The following PSD3 variants were observed in gnomAD, a reference collection of about 807,000 sequenced individuals.
The protein encoded by PSD3 is PH and SEC7 domain-containing protein 3.
Under a neutral mutation model 105.5 loss-of-function variants are expected in PSD3, and 49 were observed. The observed-to-expected ratio is 0.46, with a 90% CI of 0.37 to 0.59. PSD3 has a LOEUF of 0.59. Ranked by LOEUF, PSD3 falls within the 20% of genes least tolerant of loss-of-function variation. The pLI is 0.00. For synonymous variants in PSD3, 557 were observed against 457.8 expected (o/e 1.22, Z -2.77); for missense variants, 1,561 against 1,263.8 (o/e 1.24, Z -3.57).
chr8:18,680,187 G>A (rs1444040130), intron 9 of PSD3, among the ~76,000 whole-genome samples: 2 of 152,188 alleles, frequency 1.3e-5, no homozygotes, highest in African/African-American at 4.8e-5. Flanking sequence ...GAGGAGGACT[G>A]TGGAAATGTC....
chr8:18,950,788 A>G (rs190861690), intron 1 of PSD3, among the ~76,000 whole-genome samples: 29 of 152,288 alleles, frequency 1.9e-4, no homozygotes, highest in African/African-American at 6.7e-4. Context: ...CTCTCGGGGA[A>G]CATCAGGTTG....
intron 9 of PSD3, among the ~76,000 whole-genome samples, chr8:18,707,979 C>T (rs1802003434): frequency 6.6e-6 from 1 of 152,236 alleles, no homozygotes; most frequent in Non-Finnish European, 1.5e-5. Flanking sequence ...ATGCCACCTA[C>T]ATTTCCTTCT....
chr8:18,541,697 G>A (rs186472753), intron 15 of PSD3, among the ~76,000 whole-genome samples: 52 of 151,854 alleles, frequency 3.4e-4, no homozygotes, highest in African/African-American at 1.1e-3. Flanking sequence ...AGAGAGAAAC[G>A]TAGGTTATAT....
chr8:18,620,064 G>A (rs1417385843), intron 11 of PSD3, among the ~76,000 whole-genome samples: 1 of 152,106 alleles, frequency 6.6e-6, no homozygotes, highest in Non-Finnish European at 1.5e-5. Flanking sequence ...GATAAGGGCC[G>A]TGGCTCCCAG....
intron 2 of PSD3, among the ~76,000 whole-genome samples, chr8:18,903,799 G>A (rs1201151033): frequency 1.3e-5 from 2 of 152,080 alleles, no homozygotes; most frequent in Admixed American, 1.3e-4. Flanking sequence ...ACCTTTCTGG[G>A]GGGCCAAGGC....
chr8:18,618,899 T>A (rs1805902717), intron 11 of PSD3, among the ~76,000 whole-genome samples: 1 of 152,078 alleles, frequency 6.6e-6, no homozygotes, highest in South Asian at 2.1e-4. Context: ...TTGCTCAGGC[T>A]GTGGTGGAAT....
intron 9 of PSD3, among the ~76,000 whole-genome samples, chr8:18,755,965 G>A (rs1177921998): frequency 1.3e-5 from 2 of 152,094 alleles, no homozygotes; most frequent in African/African-American, 2.4e-5. Context: ...AACACGCCAC[G>A]CACCTTTCAT....
chr8:19,061,024 G>C (rs1269833244), intron 1 of PSD3, among the ~76,000 whole-genome samples: 2 of 152,144 alleles, frequency 1.3e-5, no homozygotes, highest in South Asian at 2.1e-4. Flanking sequence ...ACATTCATTA[G>C]CCAGGGTTTC....
At chr8:18,641,180 C>A (rs1181255323) in intron 10 of PSD3, among the ~76,000 whole-genome samples, 1 of 152,162 alleles carries the variant, frequency 6.6e-6, no homozygotes, top group Non-Finnish European at 1.5e-5. Context: ...CTTGTACTGG[C>A]AATCATTACC....
At chr8:18,880,029 G>C (rs1818012036) in intron 2 of PSD3, among the ~76,000 whole-genome samples, 1 of 152,106 alleles carries the variant, frequency 6.6e-6, no homozygotes, top group African/African-American at 2.4e-5. Context: ...ATAACAGCAA[G>C]AATTTCCTTT....
intron 4 of PSD3, among the ~76,000 whole-genome samples, chr8:18,852,286 G>A (rs1166821031): frequency 6.6e-6 from 1 of 152,120 alleles, no homozygotes; most frequent in Non-Finnish European, 1.5e-5. Context: ...CAGGCACTCA[G>A]AGAAGCTAAG....
intron 2 of PSD3, among the ~76,000 whole-genome samples, chr8:18,881,383 C>T (rs906773420): frequency 4.6e-5 from 7 of 152,066 alleles, no homozygotes; most frequent in Non-Finnish European, 7.4e-5. Context: ...TCCATAAGAT[C>T]GGCTGCAGAA....
intron 8 of PSD3, among the ~76,000 whole-genome samples, chr8:18,767,106 C>A (rs1807065270): frequency 6.6e-6 from 1 of 152,088 alleles, no homozygotes; most frequent in Non-Finnish European, 1.5e-5. Flanking sequence ...AAGTGTGAGA[C>A]CCATGGAAAA....
intron 4 of PSD3, among the ~76,000 whole-genome samples, chr8:18,847,464 T>C (rs74688455): frequency 6.6e-6 from 1 of 152,196 alleles, no homozygotes; most frequent in Admixed American, 6.5e-5. Context: ...ATGCACACTG[T>C]TGCTACTTTT....
At chr8:18,564,491 T>C (rs1327854066) in intron 14 of PSD3, among the ~76,000 whole-genome samples, 3 of 152,220 alleles carry the variant, frequency 2.0e-5, no homozygotes, top group South Asian at 2.1e-4. Context: ...TAGCTGGGCA[T>C]GGTGGTGCAC....
intron 8 of PSD3, among the ~76,000 whole-genome samples, chr8:18,780,678 T>C (rs1210596839): frequency 2.6e-5 from 4 of 152,186 alleles, no homozygotes; most frequent in South Asian, 2.1e-4. Flanking sequence ...CTCAGCCTCC[T>C]GAGTAGCTGG....
At position 18,635,396 on chromosome 8, in the gene PSD3, T is replaced by C. The variant is rs76011566; in HGVS notation, c.2217-2590A>G. On this transcript the variant is annotated intron_variant, in intron 10 of 15. Coordinates refer to ENST00000327040, the MANE Select transcript of PSD3 (RefSeq NM_015310.4). ...GATACAGTTATGTATCATATAACAATGTGTGGTCAACGATGGACAGCATAC... is the reference window on the plus strand; with the variant it reads ...GATACAGTTATGTATCATATAACAACGTGTGGTCAACGATGGACAGCATAC... Among the ~76,000 whole-genome samples, 11 of 152,248 alleles carry C rather than the reference T, an allele frequency of 7.2e-5. No homozygotes were observed. In the East Asian group the frequency reaches 1.9e-3, roughly 27 times the overall value.
chr8:18,806,460 G>A (rs1811208953), intron 4 of PSD3, among the ~76,000 whole-genome samples: 1 of 152,170 alleles, frequency 6.6e-6, no homozygotes, highest in South Asian at 2.1e-4. Flanking sequence ...AACTAATGAG[G>A]ATACATTAAT....
chr8:18,605,745 A>G (rs1044990409), intron 11 of PSD3, among the ~76,000 whole-genome samples: 20 of 152,072 alleles, frequency 1.3e-4, no homozygotes, highest in Non-Finnish European at 2.4e-4. Flanking sequence ...TGATTCATCA[A>G]TGGTTTAGCA....
Sources: gnomAD v4.1 joint callset for allele counts (sites outside exome capture counted in the v4.1 genomes callset) on GRCh38, gnomAD v4.1.1 for gene constraint, MANE v1.5 for transcripts, NCBI Gene and HGNC (gene_info 2026-07-23, HGNC 2026-07-21) for gene names.